Variants in PTPRT observed in about 807,000 individuals in gnomAD.
PTPRT encodes the protein receptor-type tyrosine-protein phosphatase T.
PTPRT carries 56 observed loss-of-function variants against 176.8 expected under a neutral mutation model. The ratio of observed to expected loss-of-function variants is 0.32; its 90% CI spans 0.26 to 0.40. The LOEUF is 0.40. Ranked by LOEUF, PTPRT falls within the 10% of genes least tolerant of loss-of-function variation. PTPRT has a pLI of 1.00. For missense variants in PTPRT, 1,540 were observed against 1,908.2 expected, an observed-to-expected ratio of 0.81 and a Z score of 3.60; for synonymous variants, 783 against 739.0, an observed-to-expected ratio of 1.06 and a Z score of -0.96.
At position 42,397,684 on chromosome 20, in the gene PTPRT, T is replaced by C. The variant is rs554103866; in HGVS notation, c.1561-45399A>G. Among the ~76,000 whole-genome samples the C allele has an allele frequency of 7.2e-5, 11 of 152,334 alleles. No individual in the cohort carries two copies. In the East Asian group the frequency reaches 2.1e-3, roughly 29 times the overall value. ...ATATGTAACACATTGCTTTATTTGA[T>C]CCTCCATTAATGAGCACCTGGGTTG... On this transcript the variant is annotated intron_variant, in intron 9 of 30. Transcript: ENST00000373187.
rs78398074 is a variant in PTPRT at position 42,495,242 on chromosome 20, A to G, written c.1154-22680T>C. 3.3e-5 allele frequency among the ~76,000 whole-genome samples: 5 copies of G among 152,292 alleles called. No individual in the cohort carries two copies. The Middle Eastern group carries it at 0.01, about 311-fold the overall frequency. ...AGGAAAGTGCTACACTCTTAATGCC[A>G]TATTTTCTTTGTTCAAGTTGTCTTA... On this transcript the variant is annotated intron_variant, in intron 7 of 30. Coordinates refer to ENST00000373187, the MANE Select transcript of PTPRT (RefSeq NM_007050.6).
chr20:42,898,258 G>C (rs989461436), intron 1 of PTPRT, among the ~76,000 whole-genome samples: 4 of 152,156 alleles, frequency 2.6e-5, no homozygotes, highest in Admixed American at 6.5e-5. Flanking sequence ...ACCCAGGCTG[G>C]AGTGCAGTGT....
At chr20:43,146,379 T>C (rs928085029) in intron 1 of PTPRT, among the ~76,000 whole-genome samples, 6 of 152,108 alleles carry the variant, frequency 3.9e-5, no homozygotes, top group African/African-American at 1.4e-4. Flanking sequence ...CTCTAGACCC[T>C]ATGTAGTGAA....
chr20:42,756,028 T>C (rs527727707), intron 6 of PTPRT, among the ~76,000 whole-genome samples: 12 of 152,328 alleles, frequency 7.9e-5, no homozygotes, highest in Admixed American at 6.5e-4. Flanking sequence ...TGAGGAATTA[T>C]TCATTTCAAA....
intron 2 of PTPRT, among the ~76,000 whole-genome samples, chr20:42,818,232 T>C (rs1193776723): frequency 1.3e-5 from 2 of 151,914 alleles, no homozygotes; most frequent in Non-Finnish European, 2.9e-5. Context: ...GCAAATCAGA[T>C]GACTAGGTCC....
intron 25 of PTPRT, among the ~76,000 whole-genome samples, chr20:42,103,837 A>T (rs138886770): frequency 1.4e-3 from 210 of 152,342 alleles, no homozygotes; most frequent in African/African-American, 4.9e-3. Context: ...TCAGTTAAAA[A>T]ACATATTCAC....
chr20:43,081,759 T>C (rs1298077804), intron 1 of PTPRT, among the ~76,000 whole-genome samples: 1 of 152,142 alleles, frequency 6.6e-6, no homozygotes, highest in East Asian at 1.9e-4. Flanking sequence ...ATAACATGCA[T>C]TTAGTGTTTT....
rs189341398 is a variant in PTPRT at position 42,724,899 on chromosome 20, A to G, written c.859+31563T>C. ...TGATTACAGTGGGCCCAGATAAATC[A>G]GTATAATTTGCCCACCTCAAAATCC... On this transcript the variant is annotated intron_variant, in intron 6 of 30. Transcript: ENST00000373187. Among the ~76,000 whole-genome samples the G allele has an allele frequency of 7.7e-3, 1,170 of 151,516 alleles. 4 individuals carry two copies. Among genetic ancestry groups the G allele is most frequent in the Non-Finnish European group, 0.011 (770 of 67,620 alleles).
intron 2 of PTPRT, among the ~76,000 whole-genome samples, chr20:42,813,077 C>T (rs2077724441): frequency 6.6e-6 from 1 of 152,064 alleles, no homozygotes; most frequent in Non-Finnish European, 1.5e-5. Context: ...TTTTTTCCAG[C>T]AATGTATATT....
intron 8 of PTPRT, among the ~76,000 whole-genome samples, chr20:42,459,742 G>C (rs2070986251): frequency 6.6e-6 from 1 of 152,136 alleles, no homozygotes; most frequent in Non-Finnish European, 1.5e-5. Flanking sequence ...CCAGCCTGGA[G>C]TGCAGTGGTA....
intron 14 of PTPRT, among the ~76,000 whole-genome samples, chr20:42,248,125 C>A (rs186916937): frequency 6.6e-6 from 1 of 152,158 alleles, no homozygotes; most frequent in Admixed American, 6.5e-5. Flanking sequence ...CAACAGCAAC[C>A]CAGCTGGGAA....
the PTPRT span, among the ~76,000 whole-genome samples, chr20:42,048,865 AG>A: frequency 3.3e-5 from 5 of 152,168 alleles, no homozygotes; most frequent in Non-Finnish European, 7.3e-5. Context: ...CTTATTGCCC[AG>A]GCTGGAGTGC....
chr20:42,272,916 T>C (rs2056963542), intron 13 of PTPRT, among the ~76,000 whole-genome samples: 1 of 152,252 alleles, frequency 6.6e-6, no homozygotes, highest in Non-Finnish European at 1.5e-5. Flanking sequence ...GAAGGCTTTC[T>C]TGACTTACTT....
chr20:42,771,369 C>T (rs568808792), intron 5 of PTPRT, 66 bp downstream of exon 5: 4 of 1,392,450 alleles, frequency 2.9e-6, no homozygotes, highest in South Asian at 2.3e-5. Flanking sequence ...AGAGCTGCTT[C>T]CTTCCAGTCC....
chr20:42,693,051 A>C (rs2075816690), intron 6 of PTPRT, among the ~76,000 whole-genome samples: 3 of 152,222 alleles, frequency 2.0e-5, no homozygotes, highest in South Asian at 4.1e-4. Context: ...CCTTTACTGC[A>C]TTCTGTTCTA....
At chr20:42,419,550 T>C (rs1391004059) in intron 9 of PTPRT, among the ~76,000 whole-genome samples, 2 of 152,154 alleles carry the variant, frequency 1.3e-5, no homozygotes, top group Non-Finnish European at 2.9e-5. Context: ...GTTTAGATGT[T>C]AAGCACTGTG....
chr20:43,023,427 C>A (rs1026035757), intron 1 of PTPRT, among the ~76,000 whole-genome samples: 4 of 152,312 alleles, frequency 2.6e-5, no homozygotes, highest in African/African-American at 4.8e-5. Flanking sequence ...CTGACAGGCA[C>A]AACAAAAGAT....
chr20:42,257,680 G>T (rs555804670), intron 13 of PTPRT, among the ~76,000 whole-genome samples: 35 of 111,856 alleles, frequency 3.1e-4, no homozygotes, highest in Admixed American at 5.1e-4. Flanking sequence ...TCTTGATCCT[G>T]ATCCTGCCAT....
intron 11 of PTPRT, among the ~76,000 whole-genome samples, chr20:42,340,072 T>A (rs965448213): frequency 4.6e-5 from 7 of 152,212 alleles, no homozygotes; most frequent in Non-Finnish European, 1.0e-4. Flanking sequence ...TAGAATTTTC[T>A]GTCATGATGG....
Sources: allele counts gnomAD v4.1 joint callset (sites outside exome capture counted in the v4.1 genomes callset), GRCh38; gene constraint gnomAD v4.1.1; transcripts MANE v1.5; gene names NCBI Gene and HGNC (gene_info 2026-07-23, HGNC 2026-07-21).